MYRFL: variants seen among roughly 807,000 people sequenced by gnomAD.
MYRFL encodes myelin regulatory factor like, also known as myelin regulatory factor-like protein.
Under a neutral mutation model 109.4 loss-of-function variants are expected in MYRFL, and 88 were observed. The observed-to-expected ratio is 0.80, with a 90% CI of 0.68 to 0.96. The LOEUF (loss-of-function observed/expected upper bound fraction) is 0.96. MYRFL is among the 40% of genes least tolerant of loss of function. MYRFL has a pLI of 0.00. For missense variants in MYRFL, 957 were observed against 954.9 expected (o/e 1.00, Z -0.03); for synonymous variants, 324 against 320.9 (o/e 1.01, Z -0.10).
intron 1 of MYRFL, among the ~76,000 whole-genome samples, chr12:69,832,993 A>G (rs554726033): frequency 4.2e-4 from 63 of 148,508 alleles, no homozygotes; most frequent in Admixed American, 3.2e-3. Flanking sequence ...TGTGTAATTA[A>G]GAATTCATTT....
At chr12:69,911,051 C>A in intron 13 of MYRFL, 121 bp downstream of exon 13, 1 of 603,470 alleles carries the variant, frequency 1.7e-6, no homozygotes, top group Non-Finnish European at 2.8e-6. Flanking sequence ...TAATTCTTCA[C>A]TGAGTTGTGG....
At chr12:69,880,898 A>G (rs1240290) in intron 5 of MYRFL, among the ~76,000 whole-genome samples, 122,974 of 149,996 alleles carry the variant, frequency 0.82, 50,551 homozygotes, top group East Asian at 0.96. Context: ...ATTTGAAATC[A>G]TTTTAGAAGT....
intron 19 of MYRFL, among the ~76,000 whole-genome samples, chr12:69,940,860 C>CA (rs1309599500): frequency 8.6e-6 from 1 of 116,258 alleles, no homozygotes; most frequent in Non-Finnish European, 1.8e-5. Flanking sequence ...AAATGGAAAA[C>CA]AAAAAAAGGC....
intron 1 of MYRFL, among the ~76,000 whole-genome samples, chr12:69,834,574 C>T (rs1882824895): frequency 6.6e-6 from 1 of 152,112 alleles, no homozygotes; most frequent in South Asian, 2.1e-4. Context: ...GTTAAAATGA[C>T]AGAATAAATG....
chr12:69,952,011 T>A, intron 19 of MYRFL, 102 bp from the exon 20 acceptor site: 1 of 885,592 alleles, frequency 1.1e-6, no homozygotes, highest in Non-Finnish European at 1.8e-6. Flanking sequence ...ACAGAAAGGG[T>A]GGGGGAACAC....
At chr12:69,873,251 C>CA (rs1201218883) in intron 2 of MYRFL, among the ~76,000 whole-genome samples, 29 of 150,042 alleles carry the variant, frequency 1.9e-4, no homozygotes, top group East Asian at 9.8e-4. Flanking sequence ...TGAGCTAAAC[C>CA]AAAAAAAAAT....
rs183353154 is a variant in MYRFL, at chr12:69,880,651, A to G, written c.556+359A>G. ...CATTGCATTGCTGCAATCCTTCTCAACCTTAATGTGCAAGAAATAGCATGA... is the reference window on the plus strand; with the variant it reads ...CATTGCATTGCTGCAATCCTTCTCAGCCTTAATGTGCAAGAAATAGCATGA... On this transcript the variant is annotated intron_variant, in intron 5 of 24. Transcript: ENST00000552032. Among the ~76,000 whole-genome samples the G allele has an allele frequency of 9.2e-5, 14 of 152,286 alleles. No homozygotes were observed. The East Asian group carries it at 2.3e-3, about 25-fold the overall frequency.
intron 2 of MYRFL, among the ~76,000 whole-genome samples, chr12:69,870,405 C>T (rs1405099423): frequency 6.6e-6 from 1 of 152,010 alleles, no homozygotes; most frequent in Non-Finnish European, 1.5e-5. Context: ...CAGGGTATGA[C>T]CCATAGTGTC....
chr12:69,895,591 G>A (rs1181604672), intron 9 of MYRFL, 110 bp downstream of exon 9: 4 of 720,622 alleles, frequency 5.6e-6, no homozygotes, highest in African/African-American at 1.8e-5. Context: ...AGAACACAGG[G>A]CCTCTAAGCC....
At chr12:69,872,722 G>A (rs1181505147) in intron 2 of MYRFL, among the ~76,000 whole-genome samples, 1 of 151,888 alleles carries the variant, frequency 6.6e-6, no homozygotes, top group Admixed American at 6.6e-5. Context: ...GCTGGTCTTA[G>A]GCTCCTGACC....
intron 19 of MYRFL, among the ~76,000 whole-genome samples, chr12:69,945,940 TC>T (rs1955822476): frequency 9.3e-6 from 1 of 107,948 alleles, no homozygotes; most frequent in Admixed American, 1.5e-4. Flanking sequence ...TGAGCCGAGA[TC>T]CCGCCACTGC....
chr12:69,931,661 G>A (rs1152960), intron 15 of MYRFL, among the ~76,000 whole-genome samples: 113,533 of 151,362 alleles, frequency 0.75, 42,920 homozygotes, highest in Middle Eastern at 0.88. Context: ...CAAATTCCCC[G>A]GAAGCAAGCA....
At chr12:69,898,352 G>A (rs10879044) in intron 10 of MYRFL, among the ~76,000 whole-genome samples, 7 of 152,048 alleles carry the variant, frequency 4.6e-5, no homozygotes, top group East Asian at 1.9e-4. Context: ...GGTAAAACAC[G>A]TATGTGTTCA....
Position 69,903,788 on chromosome 12 carries a change from G to A in MYRFL, c.1327G>A (p.Val443Met), listed in dbSNP as rs1362961056. 2 of 1,535,644 alleles carry A rather than the reference G, an allele frequency of 1.3e-6. No individual in the cohort carries two copies. The highest frequency in any genetic ancestry group is 1.2e-5 in the South Asian group (1 of 84,042). The change falls in exon 11 of 25, where the codon GTG (valine) becomes ATG (methionine). Residue 443 changes from valine to methionine, a missense_variant. Val to Met is a conservative substitution (Grantham distance 21, BLOSUM62 1). Coordinates refer to ENST00000552032, the MANE Select transcript of MYRFL (RefSeq NM_182530.3). ...CCTGGTTGTCTGTGGCAACATGAAA[G>A]TGATGGGGACCATCATGCATCCCTC... ...EALVVCGNMKVMGTIMHPSDS... is the reference protein window; with the variant it reads ...EALVVCGNMKMMGTIMHPSDS...
chr12:69,886,963 G>A lies in MYRFL; in HGVS notation c.700G>A (p.Glu234Lys), dbSNP rs1364001226. ...GCACAGCTTATTAAACAGTCATTAT[G>A]AAAAACTGTAAGTGGCTTGAGTGGG... ...PWHSLLNSHYEKLPDVGYRVV... is the reference protein window; with the variant it reads ...PWHSLLNSHYKKLPDVGYRVV... The change falls in exon 6 of 25, where the codon GAA becomes AAA. Residue 234 changes from glutamate to lysine, a missense_variant. Physicochemically the swap from Glu to Lys is moderately conservative, Grantham distance 56. Coordinates refer to ENST00000552032, the MANE Select transcript of MYRFL (RefSeq NM_182530.3). The A allele has an allele frequency of 6.5e-7, 1 of 1,535,820 alleles. No individual in the cohort carries two copies. Among genetic ancestry groups the A allele is most frequent in the Admixed American group, 2.0e-5 (1 of 50,982 alleles).
chr12:69,943,235 A>C (rs187177108), intron 19 of MYRFL, among the ~76,000 whole-genome samples: 9 of 151,542 alleles, frequency 5.9e-5, no homozygotes, highest in Non-Finnish European at 1.0e-4. Flanking sequence ...GTTAATCCTA[A>C]GCCAAAAGAA....
intron 13 of MYRFL, among the ~76,000 whole-genome samples, chr12:69,918,803 C>T (rs1353983361): frequency 2.6e-5 from 4 of 152,168 alleles, no homozygotes; most frequent in Non-Finnish European, 2.9e-5. Context: ...TTGTCTTTTT[C>T]GGGACAAGAA....
At chr12:69,924,497 T>C (rs1231691942) in intron 13 of MYRFL, among the ~76,000 whole-genome samples, 1 of 152,180 alleles carries the variant, frequency 6.6e-6, no homozygotes, top group Non-Finnish European at 1.5e-5. Context: ...CCACAGTTTA[T>C]TATCAATTCC....
chr12:69,909,551 TA>T (rs200040666), intron 11 of MYRFL, among the ~76,000 whole-genome samples: 116 of 151,244 alleles, frequency 7.7e-4, no homozygotes, highest in Middle Eastern at 3.4e-3. Context: ...ATAAAGATAT[TA>T]AAAAAAAAAT....
Sources: allele counts gnomAD v4.1 joint callset (sites outside exome capture counted in the v4.1 genomes callset), GRCh38; gene constraint gnomAD v4.1.1; transcripts MANE v1.5; gene names NCBI Gene and HGNC (gene_info 2026-07-23, HGNC 2026-07-21).